The following NOTCH3 variants were observed in gnomAD, a reference collection of about 807,000 sequenced individuals.
The protein encoded by NOTCH3 is notch receptor 3, also known as neurogenic locus notch homolog protein 3.
Under a neutral mutation model 213.3 loss-of-function variants are expected in NOTCH3, and 86 were observed. The observed-to-expected ratio is 0.40, with a 90% CI of 0.34 to 0.48. The LOEUF is 0.48. Ranked by LOEUF, NOTCH3 falls within the 20% of genes least tolerant of loss-of-function variation. The pLI is 0.57. For synonymous variants in NOTCH3, 1,354 were observed against 1,355.9 expected (o/e 1.00, Z 0.03); for missense variants, 2,783 against 3,272.6 (o/e 0.85, Z 3.65).
At chr19:15,170,002 C>T (rs1437126938) in intron 28 of NOTCH3, 84 bp downstream of exon 28, 49 of 752,632 alleles carry the variant, frequency 6.5e-5, no homozygotes, top group Non-Finnish European at 1.0e-4. Context: ...CCCCTGATCA[C>T]GCCCATCATC....
intron 31 of NOTCH3, among the ~76,000 whole-genome samples, chr19:15,162,773 T>C (rs4809031): frequency 2.7e-3 from 14 of 5,252 alleles, no homozygotes; most frequent in Non-Finnish European, 8.8e-3. Context: ...GTGTGTGTGT[T>C]TGTGTGTGTG....
intron 12 of NOTCH3, among the ~76,000 whole-genome samples, chr19:15,186,246 A>G (rs757314989): frequency 4.6e-5 from 7 of 152,086 alleles, no homozygotes; most frequent in Middle Eastern, 3.2e-3. Flanking sequence ...GATTACAGAC[A>G]TGAGCCAACA....
intron 31 of NOTCH3, among the ~76,000 whole-genome samples, chr19:15,164,541 CAAAAAAAAAAATT>C (rs1273632481): frequency 1.4e-4 from 3 of 21,444 alleles, no homozygotes; most frequent in Admixed American, 3.4e-4. Flanking sequence ...GACTCTGTCT[CAAAAAAAAAAATT>C]AAAAAAAGGG....
Position 15,165,944 on chromosome 19 carries a change from C to G in NOTCH3, c.5510G>C (p.Arg1837Pro). 6.2e-7 allele frequency: 1 copy of G among 1,614,136 alleles called. No homozygotes were observed. The highest frequency in any genetic ancestry group is 8.5e-7 in the Non-Finnish European group (1 of 1,180,022). The change falls in exon 30 of 33, where the codon CGT becomes CCT. Residue 1837 changes from arginine (R) to proline (P), a missense_variant. By Grantham distance (103) the Arg-to-Pro change is moderately radical. Transcript: ENST00000263388. The surrounding 1 kb of genome is among the most constrained non-coding windows in gnomAD (Gnocchi z 4.7). ...QGAQLGARTD[R>P]TGETALHLAA... ...CAGGTGCAAAGCAGTCTCGCCAGTA[C>G]GGTCAGTCCGTGCCCCAAGCTGAGC...
At position 15,165,132 on chromosome 19, in the gene NOTCH3, C is replaced by G. The variant is rs1173594241; in HGVS notation, c.5815+236G>C. 6.6e-6 allele frequency among the ~76,000 whole-genome samples: 1 copy of G among 152,120 alleles called. No homozygotes were observed. Among genetic ancestry groups the G allele is most frequent in the East Asian group, 1.9e-4 (1 of 5,198 alleles). ...GCAGGTGGAAGTACAGTGTGTCCGT[C>G]TAACAAAGCAGGTGGAAATGAAGTA... is the stretch of plus-strand genomic sequence containing the variant. On this transcript the variant is annotated intron_variant, in intron 31 of 32. Coordinates refer to ENST00000263388, the MANE Select transcript of NOTCH3 (RefSeq NM_000435.3). The surrounding 1 kb of genome is among the most constrained non-coding windows in gnomAD (Gnocchi z 4.7).
chr19:15,186,379 ATGTGTGTGTGTGTGTGTGTGTGTGTGTG>A (rs36233245), intron 12 of NOTCH3, among the ~76,000 whole-genome samples: 2 of 138,470 alleles, frequency 1.4e-5, no homozygotes, highest in African/African-American at 2.8e-5. Context: ...TTGTTTTTGT[ATGTGTGTGTGTGTGTGTGTGTGTGTGTG>A]TGTGTGTGTG....
chr19:15,182,547 A>G (rs1292941112), intron 16 of NOTCH3, among the ~76,000 whole-genome samples: 1 of 151,848 alleles, frequency 6.6e-6, no homozygotes, highest in Admixed American at 6.6e-5. Context: ...CTCATTAACA[A>G]TTTTATACTG....
At position 15,187,888 on chromosome 19, in the gene NOTCH3, A is replaced by G. The variant is rs2046896560; in HGVS notation, c.1599T>C (p.Cys533=). 7 of 1,548,458 alleles carry G rather than the reference A, an allele frequency of 4.5e-6. No homozygotes were observed. Among genetic ancestry groups the G allele is most frequent in the Non-Finnish European group, 6.1e-6 (7 of 1,146,502 alleles). Residue 533 remains cysteine, a synonymous_variant, in exon 10 of 33, where the codon TGT becomes TGC. Transcript: ENST00000263388. ...GTCATTGGCCCGCCTCACCCTCGGCACAGCGGCACTCGTAGCCATCGGGCT... is the reference window on the plus strand; with the variant it reads ...GTCATTGGCCCGCCTCACCCTCGGCGCAGCGGCACTCGTAGCCATCGGGCT... ...VDQPDGYECR[C]AEGFEGTLCD... is the part of the protein sequence containing the mutation.
chr19:15,179,531 A>G (rs2145419279), intron 20 of NOTCH3, 35 bp from the exon 21 acceptor site: 1 of 1,611,880 alleles, frequency 6.2e-7, no homozygotes, highest in African/African-American at 1.3e-5. Context: ...CACTCAGCTT[A>G]GTGGGACACA....
chr19:15,175,715 C>A (rs1322781447), intron 24 of NOTCH3, among the ~76,000 whole-genome samples: 1 of 150,326 alleles, frequency 6.7e-6, no homozygotes, highest in Non-Finnish European at 1.5e-5. Context: ...TGAGAAGGTA[C>A]CACCATTTCA....
Position 15,187,245 on chromosome 19 carries a change from G to A in NOTCH3, c.1700C>T (p.Ser567Leu). Reference sequence around the variant, plus strand: ...CGTGTAGCCAGGAGCACAGGCACATGAGAAGCTGGCGATGCCATCCACGCA... The same window carrying A: ...CGTGTAGCCAGGAGCACAGGCACATAAGAAGCTGGCGATGCCATCCACGCA... ...GRCVDGIASF[S>L]CACAPGYTGT... Residue 567 changes from serine to leucine, a missense_variant, in exon 11 of 33, where the codon TCA becomes TTA. Ser to Leu is a moderately radical substitution (Grantham distance 145, BLOSUM62 -2). This residue lies in a region of NOTCH3 where 708 missense variants were observed against 906.6 expected (regional missense o/e 0.78). Coordinates refer to ENST00000263388, the MANE Select transcript of NOTCH3 (RefSeq NM_000435.3). The A allele has an allele frequency of 6.2e-7, 1 of 1,614,140 alleles. No individual in the cohort carries two copies. Among genetic ancestry groups the A allele is most frequent in the South Asian group, 1.1e-5 (1 of 91,092 alleles).
chr19:15,191,625 G>T lies in NOTCH3; in HGVS notation c.835C>A (p.Gln279Lys), dbSNP rs555499628. Residue 279 changes from glutamine (Q) to lysine (K), a missense_variant, in exon 6 of 33, where the codon CAG becomes AAG. Coordinates refer to ENST00000263388, the MANE Select transcript of NOTCH3 (RefSeq NM_000435.3). ...TTGTGGCAGGCGTTGGGCTGCAGCTGACACTCATCCACGTCCTCCGTGCAG... is the reference window on the plus strand; with the variant it reads ...TTGTGGCAGGCGTTGGGCTGCAGCTTACACTCATCCACGTCCTCCGTGCAG... ...QFCTEDVDEC[Q>K]LQPNACHNGG... is the part of the protein sequence containing the mutation. The T allele has an allele frequency of 9.9e-6, 16 of 1,613,604 alleles. No individual in the cohort carries two copies. The South Asian group carries it at 1.8e-4, about 18-fold the overall frequency.
chr19:15,197,565 C>G lies in NOTCH3; in HGVS notation c.132G>C (p.Leu44=). 1 of 1,611,804 alleles carries G rather than the reference C, an allele frequency of 6.2e-7. No homozygotes were observed. Among genetic ancestry groups the G allele is most frequent in the Non-Finnish European group, 8.5e-7 (1 of 1,179,850 alleles). ...AGPGAAAPPC[L]DGSPCANGGR... is the part of the protein sequence containing the mutation. ...CTCCATTTGCACACGGGCTTCCGTC[C>G]AGGCAAGGGGGGGCTGTGTGGGGGT... is the stretch of plus-strand genomic sequence containing the variant. The change falls in exon 2 of 33, where the codon CTG becomes CTC. Residue 44 remains leucine, a synonymous_variant. Transcript: ENST00000263388.
chr19:15,176,630 G>A (rs2046791903), intron 24 of NOTCH3, among the ~76,000 whole-genome samples: 1 of 151,890 alleles, frequency 6.6e-6, no homozygotes, highest in African/African-American at 2.4e-5. Context: ...GGGCGCGGTG[G>A]CTCACACCTG....
rs1344731865 is a variant in NOTCH3 at position 15,165,660 on chromosome 19, T to C, written c.5667+127A>G. 9 of 1,135,038 alleles carry C rather than the reference T, an allele frequency of 7.9e-6. No individual in the cohort carries two copies. Among genetic ancestry groups the C allele is most frequent in the Admixed American group, 2.2e-5 (1 of 45,540 alleles). 70.3% of individuals were successfully genotyped at this position (1,135,038 alleles called of 1,614,324 possible). ...CAGGGAGCAGCTGCTTGACAGATAC[T>C]GTATTCCCATATATCCCCATTTTCC... On this transcript the variant is annotated intron_variant, in intron 30 of 32. Coordinates refer to ENST00000263388, the MANE Select transcript of NOTCH3 (RefSeq NM_000435.3). This position sits in a 1 kb window ranked among gnomAD's most constrained non-coding sequence, Gnocchi z 4.7.
Position 15,160,274 on chromosome 19 carries a change from T to G in NOTCH3, c.*388A>C. 4.1e-6 allele frequency: 1 copy of G among 241,876 alleles called. No homozygotes were observed. Among genetic ancestry groups the G allele is most frequent in the Non-Finnish European group, 8.0e-6 (1 of 124,528 alleles). 15.0% of individuals were successfully genotyped at this position (241,876 alleles called of 1,614,324 possible). A position where few individuals can be genotyped will look rare whatever the true frequency, so the allele number is the denominator to read the frequency against. On this transcript the variant is annotated 3_prime_UTR_variant, in exon 33 of 33. Transcript: ENST00000263388. ...TTTGTAAAAAATAATAATAATAAGTTTGTTTAAATGAATTTGTTTCTATAC... is the reference window on the plus strand; with the variant it reads ...TTTGTAAAAAATAATAATAATAAGTGTGTTTAAATGAATTTGTTTCTATAC...
chr19:15,195,676 C>T (rs1284731009), intron 2 of NOTCH3, among the ~76,000 whole-genome samples: 5 of 151,810 alleles, frequency 3.3e-5, no homozygotes, highest in Non-Finnish European at 7.4e-5. Flanking sequence ...CCCGTCCCCT[C>T]CTCCAAGGCC....
rs749865363 is a variant in NOTCH3 at position 15,170,298 on chromosome 19, T to C, written c.5114+33A>G. The stretch of plus-strand genomic sequence containing the variant: ...GGGTCCAGGGTTCACAAGGTCCCCG[T>C]AGTCAGGGACAGGGAGCGAGCAGGG... On this transcript the variant is annotated intron_variant, in intron 27 of 32. Transcript: ENST00000263388. 112 of 1,582,466 alleles carry C rather than the reference T, an allele frequency of 7.1e-5. No homozygotes were observed. The South Asian group carries it at 9.8e-4, about 14-fold the overall frequency.
At chr19:15,200,602 G>A (rs2047004571) in intron 1 of NOTCH3, among the ~76,000 whole-genome samples, 186 bp downstream of exon 1, 2 of 151,948 alleles carry the variant, frequency 1.3e-5, no homozygotes, top group African/African-American at 4.8e-5. Context: ...TGTTCCTTGG[G>A]CCTCTGGGGT....
Sources: allele counts gnomAD v4.1 joint callset (sites outside exome capture counted in the v4.1 genomes callset), GRCh38; gene constraint gnomAD v4.1.1; regional missense constraint gnomAD v4.1.1; non-coding constraint Gnocchi (gnomAD v3.1); transcripts MANE v1.5; gene names NCBI Gene and HGNC (gene_info 2026-07-23, HGNC 2026-07-21).